Variants in GSE1 observed in about 807,000 individuals in gnomAD.
GSE1 encodes the protein Gse1 coiled-coil protein.
In GSE1, 32 loss-of-function variants were observed where a neutral mutation model predicts 112.6. The observed-to-expected ratio is 0.28, with a 90% confidence interval of 0.21 to 0.38. The LOEUF (loss-of-function observed/expected upper bound fraction) is 0.38, where lower values mean the gene tolerates loss of function less well. Among genes scored for constraint, GSE1 ranks in the 10% least tolerant of loss-of-function variants. The pLI is 1.00. For missense variants in GSE1, 2,348 were observed against 1,699.2 expected (o/e 1.38, Z -6.71); for synonymous variants, 1,115 against 735.6 (o/e 1.52, Z -8.35).
chr16:85,572,143 C>T (rs917618849), intron 1 of GSE1, among the ~76,000 whole-genome samples: 8 of 147,834 alleles, frequency 5.4e-5, no homozygotes, highest in African/African-American at 2.0e-4. Flanking sequence ...ACATACCACA[C>T]ACAACACACC....
intron 1 of GSE1, among the ~76,000 whole-genome samples, chr16:85,202,372 C>G (rs908210346): frequency 6.6e-6 from 1 of 152,264 alleles, no homozygotes; most frequent in Non-Finnish European, 1.5e-5. Context: ...GGAAGCTCTT[C>G]CCATTGCTGG....
intron 2 of GSE1, among the ~76,000 whole-genome samples, chr16:85,509,660 A>G (rs1458443557): frequency 6.6e-6 from 1 of 152,238 alleles, no homozygotes. Context: ...CCTGAAGGCC[A>G]GCGTGGGGAA....
intron 2 of GSE1, among the ~76,000 whole-genome samples, chr16:85,543,000 G>T (rs764840890): frequency 2.0e-5 from 3 of 152,140 alleles, no homozygotes; most frequent in Middle Eastern, 3.2e-3. Context: ...GGCCAAGGTG[G>T]GTAGATCATG....
intron 1 of GSE1, among the ~76,000 whole-genome samples, chr16:85,175,797 A>G (rs1214214860): frequency 1.3e-5 from 2 of 152,194 alleles, no homozygotes; most frequent in Non-Finnish European, 2.9e-5. Flanking sequence ...GTATTCACAC[A>G]TACTGAAGCC....
Position 85,506,390 on chromosome 16 carries a change from G to A in GSE1, c.2465-127524G>A, listed in dbSNP as rs185018313. Among the ~76,000 whole-genome samples the A allele has an allele frequency of 3.7e-3, 556 of 152,288 alleles. 4 individuals carry two copies. The highest frequency in any genetic ancestry group is 5.1e-3 in the Non-Finnish European group (346 of 68,022). ...TGGGGAGGAGCAGGCACGTGGGGAA[G>A]GCTCAGCTGATGGATGGCGTCCAAG... On this transcript the variant is annotated intron_variant, in intron 2 of 2. Coordinates refer to the GSE1 transcript ENST00000637419.
intron 1 of GSE1, among the ~76,000 whole-genome samples, chr16:85,616,746 G>A (rs1036412243): frequency 8.6e-5 from 13 of 152,026 alleles, no homozygotes; most frequent in African/African-American, 2.9e-4. Flanking sequence ...GGTGTGGGAC[G>A]CCGTGCTGCT....
chr16:85,639,879 G>T (rs1442123310), intron 2 of GSE1, among the ~76,000 whole-genome samples: 3 of 152,238 alleles, frequency 2.0e-5, no homozygotes, highest in Non-Finnish European at 4.4e-5. Context: ...TGCCAAGGCG[G>T]CCGGGGGCGG....
intron 1 of GSE1, among the ~76,000 whole-genome samples, chr16:85,344,749 T>C (rs2046698120): frequency 6.6e-6 from 1 of 152,194 alleles, no homozygotes; most frequent in Non-Finnish European, 1.5e-5. Flanking sequence ...TGCTGGACTT[T>C]GAAGCAGGCA....
chr16:85,328,901 C>T (rs2046281677), intron 1 of GSE1, among the ~76,000 whole-genome samples: 2 of 152,210 alleles, frequency 1.3e-5, no homozygotes, highest in Admixed American at 1.3e-4. Flanking sequence ...GCCACCCCTG[C>T]CCCCGCAGCC....
At chr16:85,485,918 C>G (rs2050821444) in intron 2 of GSE1, among the ~76,000 whole-genome samples, 1 of 152,216 alleles carries the variant, frequency 6.6e-6, no homozygotes, top group Non-Finnish European at 1.5e-5. Context: ...GAGCACAGGC[C>G]CCTTCACCCC....
At position 85,478,907 on chromosome 16, in the gene GSE1, CTTTCTTTCTTTCTT is replaced by C. The variant is rs2050570021; in HGVS notation, c.2464+121266_2464+121279del. Among the ~76,000 whole-genome samples, 47 of 51,040 alleles carry C rather than the reference CTTTCTTTCTTTCTT, an allele frequency of 9.2e-4. 3 individuals carry two copies. Among genetic ancestry groups the C allele is most frequent in the African/African-American group, 3.9e-3 (44 of 11,270 alleles). 33.5% of individuals were successfully genotyped at this position (51,040 alleles called of 152,430 possible). ...TCTTTCTTTCTTTCTTTCTTTCTTT[CTTTCTTTCTTTCTT>C]TCTTTCTCTTTCTTTCTTTCTTTCT... On this transcript the variant is annotated intron_variant, in intron 2 of 2. Coordinates refer to the GSE1 transcript ENST00000637419.
chr16:85,372,260 T>C (rs759052087), intron 2 of GSE1, among the ~76,000 whole-genome samples: 1 of 152,024 alleles, frequency 6.6e-6, no homozygotes, highest in Non-Finnish European at 1.5e-5. Flanking sequence ...GCAGATCACT[T>C]GAGCCCAGGA....
Position 85,653,535 on chromosome 16 carries a change from C to T in GSE1, c.427-743C>T, listed in dbSNP as rs149139318. On this transcript the variant is annotated intron_variant, in intron 3 of 15. Coordinates refer to ENST00000253458, the MANE Select transcript of GSE1 (RefSeq NM_014615.5). ...CCTGGAGAAGACCCCTCATCTGAGT[C>T]CTCTGGACCACCTTCCCAGCTACAC... is the stretch of plus-strand genomic sequence containing the variant. Among the ~76,000 whole-genome samples the T allele has an allele frequency of 6.3e-3, 950 of 151,466 alleles. 4 individuals are homozygous for T. The highest frequency in any genetic ancestry group is 9.7e-3 in the Non-Finnish European group (659 of 67,854).
intron 1 of GSE1, among the ~76,000 whole-genome samples, chr16:85,338,288 G>C (rs940261625): frequency 6.6e-6 from 1 of 152,226 alleles, no homozygotes. Context: ...GCATTCAGCT[G>C]GTGAACCTCT....
In GSE1 at chr16:85,641,112, G is replaced by A. The variant is rs962748030; in HGVS notation, c.226+6980G>A. Among the ~76,000 whole-genome samples the A allele has an allele frequency of 2.4e-4, 36 of 152,208 alleles. 1 individual carries two copies. Among genetic ancestry groups the A allele is most frequent in the Non-Finnish European group, 4.4e-5 (3 of 68,032 alleles). On this transcript the variant is annotated intron_variant, in intron 2 of 15. Transcript: ENST00000253458. Reference sequence around the variant, plus strand: ...GCCTCCCCTAGCCACGTGGACATAAGGGTGATTTTTTTCCGGTTTTCCCTG... The same window carrying A: ...GCCTCCCCTAGCCACGTGGACATAAAGGTGATTTTTTTCCGGTTTTCCCTG...
intron 2 of GSE1, among the ~76,000 whole-genome samples, chr16:85,380,714 C>T (rs1034152133): frequency 6.6e-6 from 1 of 152,172 alleles, no homozygotes; most frequent in African/African-American, 2.4e-5. Flanking sequence ...CTAATTAGAT[C>T]TAATTAATAC....
At chr16:85,552,501 T>G (rs538987416), upstream of GSE1, among the ~76,000 whole-genome samples, 558 of 127,242 alleles carry the variant, frequency 4.4e-3, 52 homozygotes, top group African/African-American at 0.014. Flanking sequence ...CCGGCTAATT[T>G]TTTTGTGTTT....
intron 2 of GSE1, among the ~76,000 whole-genome samples, chr16:85,438,986 CCT>C (rs1434533753): frequency 2.0e-5 from 3 of 152,194 alleles, no homozygotes; most frequent in Non-Finnish European, 4.4e-5. Context: ...TGCCCCAGGC[CCT>C]GTGATCAGAG....
intron 1 of GSE1, among the ~76,000 whole-genome samples, chr16:85,622,254 G>A (rs1193443203): frequency 6.6e-6 from 1 of 152,192 alleles, no homozygotes; most frequent in Admixed American, 6.5e-5. Flanking sequence ...CTTGGCTGAG[G>A]GTGCTTGTTG....
Sources: allele counts gnomAD v4.1 joint callset (sites outside exome capture counted in the v4.1 genomes callset), GRCh38; gene constraint gnomAD v4.1.1; transcripts MANE v1.5; gene names NCBI Gene and HGNC (gene_info 2026-07-23, HGNC 2026-07-21).